The following GRM5 variants were observed in gnomAD, a reference collection of about 807,000 sequenced individuals.
GRM5 encodes metabotropic glutamate receptor 5.
In GRM5, 19 loss-of-function variants were observed where a neutral mutation model predicts 83.1. The observed-to-expected ratio is 0.23, with a 90% CI of 0.16 to 0.34. GRM5 has a LOEUF of 0.34. Among genes scored for constraint, GRM5 ranks in the 10% least tolerant of loss-of-function variants. The pLI, the probability that GRM5 is intolerant of heterozygous loss-of-function variation, is 1.00. For missense variants in GRM5, 1,160 were observed against 1,588.3 expected (o/e 0.73, Z 4.58); for synonymous variants, 675 against 633.6 (o/e 1.07, Z -0.98).
chr11:88,976,448 G>C (rs1256428950), intron 2 of GRM5, among the ~76,000 whole-genome samples: 1 of 151,588 alleles, frequency 6.6e-6, no homozygotes, highest in Admixed American at 6.6e-5. Flanking sequence ...ATCTTCCAAA[G>C]GTTTTGTTTC....
chr11:88,906,212 T>C (rs616769), intron 2 of GRM5, among the ~76,000 whole-genome samples: 143,464 of 152,188 alleles, frequency 0.94, 67,684 homozygotes, highest in South Asian at 0.97. Flanking sequence ...CATCTACTCT[T>C]GTTTCTGTCA....
intron 2 of GRM5, among the ~76,000 whole-genome samples, chr11:88,928,447 T>C (rs1366399621): frequency 2.3e-4 from 2 of 8,606 alleles, no homozygotes; most frequent in Non-Finnish European, 1.2e-3. Flanking sequence ...ATCTATCATA[T>C]GTGTGTGTGT....
At chr11:88,974,555 G>C in intron 2 of GRM5, among the ~76,000 whole-genome samples, 1 of 152,182 alleles carries the variant, frequency 6.6e-6, no homozygotes, top group East Asian at 1.9e-4. Flanking sequence ...GTTTATATTA[G>C]CCATGTGAAT....
intron 2 of GRM5, among the ~76,000 whole-genome samples, chr11:88,881,147 T>A (rs940927227): frequency 2.2e-4 from 33 of 150,668 alleles, no homozygotes; most frequent in East Asian, 5.8e-4. Context: ...GCTTCAAATT[T>A]AAAAAAAAAA....
chr11:88,841,168 G>C (rs1237667673), intron 3 of GRM5, among the ~76,000 whole-genome samples: 1 of 152,062 alleles, frequency 6.6e-6, no homozygotes, highest in Non-Finnish European at 1.5e-5. Context: ...TGTTCTTTGT[G>C]GTATTTTTCT....
intron 2 of GRM5, among the ~76,000 whole-genome samples, chr11:89,036,960 G>C (rs1378859645): frequency 6.6e-6 from 1 of 152,022 alleles, no homozygotes; most frequent in Non-Finnish European, 1.5e-5. Flanking sequence ...CTAAATTTTA[G>C]ACTTGAGTAT....
At chr11:89,022,412 G>C (rs566695777) in intron 2 of GRM5, among the ~76,000 whole-genome samples, 1 of 151,830 alleles carries the variant, frequency 6.6e-6, no homozygotes, top group East Asian at 1.9e-4. Flanking sequence ...GGAGGCCAAG[G>C]GGGGCAGGTC....
intron 3 of GRM5, among the ~76,000 whole-genome samples, chr11:88,721,442 A>ATC (rs1941537778): frequency 1.3e-5 from 2 of 152,106 alleles, no homozygotes; most frequent in East Asian, 3.9e-4. Context: ...CAAAAGTTAG[A>ATC]CCACTCTTCT....
intron 2 of GRM5, among the ~76,000 whole-genome samples, chr11:88,917,288 G>A (rs1565290900): frequency 6.6e-6 from 1 of 152,188 alleles, no homozygotes; most frequent in Non-Finnish European, 1.5e-5. Flanking sequence ...TGGGCTTGGG[G>A]TGCCCCCTAA....
At chr11:88,599,494 T>C (rs1436714510) in intron 5 of GRM5, among the ~76,000 whole-genome samples, 2 of 152,202 alleles carry the variant, frequency 1.3e-5, no homozygotes, top group African/African-American at 2.4e-5. Context: ...GAGAAATAGA[T>C]AATATGTCTC....
chr11:88,897,777 T>C (rs1945252578), intron 2 of GRM5, among the ~76,000 whole-genome samples: 1 of 151,952 alleles, frequency 6.6e-6, no homozygotes, highest in Admixed American at 6.6e-5. Flanking sequence ...CACAAAATTT[T>C]CCGATAAAAG....
intron 2 of GRM5, among the ~76,000 whole-genome samples, chr11:88,932,448 G>A: frequency 6.6e-6 from 1 of 151,880 alleles, no homozygotes; most frequent in East Asian, 1.9e-4. Context: ...CTAGTGATAT[G>A]GAAATTTTCA....
intron 3 of GRM5, among the ~76,000 whole-genome samples, chr11:88,678,318 C>T (rs1014640575): frequency 3.3e-5 from 5 of 152,016 alleles, no homozygotes; most frequent in Admixed American, 6.6e-5. Flanking sequence ...CTTGGCCTCC[C>T]GAAGCACTGG....
chr11:88,995,828 A>G (rs1348106654), intron 2 of GRM5, among the ~76,000 whole-genome samples: 1 of 151,874 alleles, frequency 6.6e-6, no homozygotes, highest in African/African-American at 2.4e-5. Context: ...TCCAAATAAA[A>G]TATCTACAAA....
At chr11:88,858,365 C>T (rs1278273841) in intron 2 of GRM5, among the ~76,000 whole-genome samples, 1 of 151,880 alleles carries the variant, frequency 6.6e-6, no homozygotes, top group African/African-American at 2.4e-5. Flanking sequence ...ATGTATAAAA[C>T]ATTATTTAAA....
intron 9 of GRM5, among the ~76,000 whole-genome samples, chr11:88,522,603 CTG>C (rs55777647): frequency 0.17 from 21,296 of 126,928 alleles, 1,622 homozygotes; most frequent in Middle Eastern, 0.26. Context: ...CTCTCTCTCT[CTG>C]TGTGTGTGTG....
At position 88,508,852 on chromosome 11, in the gene GRM5, C is replaced by T. The variant is rs747989546; in HGVS notation, c.3379G>A (p.Ala1127Thr). The change falls in exon 10 of 10, where the codon GCG (alanine) becomes ACG (threonine). Residue 1127 changes from alanine to threonine, a missense_variant. Physicochemically the swap from Ala to Thr is moderately conservative, Grantham distance 58 (BLOSUM62 0). Coordinates refer to ENST00000305447, the MANE Select transcript of GRM5 (RefSeq NM_001143831.3). The surrounding 1 kb of genome is among the most constrained non-coding windows in gnomAD (Gnocchi z 4.2). ...PLPAIEVTGG[A>T]QPAAGAQAAG... ...GCCTGCGCCCCTGCCGCGGGCTGCGCGCCTCCCGTGACTTCGATGGCCGGC... is the reference window on the plus strand; with the variant it reads ...GCCTGCGCCCCTGCCGCGGGCTGCGTGCCTCCCGTGACTTCGATGGCCGGC... The T allele has an allele frequency of 4.5e-6, 7 of 1,565,570 alleles. No homozygotes were observed. The highest frequency in any genetic ancestry group is 2.4e-5 in the East Asian group (1 of 41,394).
At chr11:88,674,517 T>C (rs1293786516) in intron 3 of GRM5, among the ~76,000 whole-genome samples, 2 of 151,898 alleles carry the variant, frequency 1.3e-5, no homozygotes, top group South Asian at 2.1e-4. Flanking sequence ...TGGCCTAAAA[T>C]ATCAGTACTG....
intron 8 of GRM5, among the ~76,000 whole-genome samples, chr11:88,558,505 C>G (rs566821353): frequency 9.9e-5 from 15 of 152,152 alleles, no homozygotes; most frequent in Admixed American, 3.3e-4. Context: ...ACAGGCTGCA[C>G]TCCTGTAATT....
Sources: gnomAD v4.1 joint callset for allele counts (sites outside exome capture counted in the v4.1 genomes callset) on GRCh38, gnomAD v4.1.1 for gene constraint, Gnocchi (gnomAD v3.1) non-coding constraint, MANE v1.5 for transcripts, NCBI Gene and HGNC (gene_info 2026-07-23, HGNC 2026-07-21) for gene names.